Variants in CDH18 observed in about 807,000 individuals in gnomAD.
CDH18 encodes the protein cadherin-18.
CDH18 carries 31 observed loss-of-function variants against 67.9 expected under a neutral mutation model. That is an observed-to-expected ratio of 0.46 (90% CI 0.34 to 0.62). The LOEUF (loss-of-function observed/expected upper bound fraction) is 0.62, where lower values mean the gene tolerates loss of function less well. Among genes scored for constraint, CDH18 ranks in the 20% least tolerant of loss-of-function variants. The pLI, the probability that CDH18 is intolerant of heterozygous loss-of-function variation, is 0.01. For missense variants in CDH18, 890 were observed against 975.5 expected, an observed-to-expected ratio of 0.91 and a Z score of 1.17; for synonymous variants, 362 against 347.2, an observed-to-expected ratio of 1.04 and a Z score of -0.48.
At chr5:20,334,131 C>CTTTTTTTTTTTTTTTTTTTTTT in intron 1 of CDH18, among the ~76,000 whole-genome samples, 1 of 81,638 alleles carries the variant, frequency 1.2e-5, no homozygotes, top group African/African-American at 5.2e-5. Flanking sequence ...GACTTGAATT[C>CTTTTTTTTTTTTTTTTTTTTTT]TTTTTTTTTT....
chr5:20,069,806 C>A (rs910536607), intron 2 of CDH18, among the ~76,000 whole-genome samples: 3 of 152,172 alleles, frequency 2.0e-5, no homozygotes, highest in African/African-American at 7.2e-5. Flanking sequence ...TATACCTCTT[C>A]CCTTACATAT....
intron 3 of CDH18, among the ~76,000 whole-genome samples, chr5:19,754,281 A>C (rs577436041): frequency 6.6e-6 from 1 of 152,316 alleles, no homozygotes; most frequent in East Asian, 1.9e-4. Context: ...TAACACATAA[A>C]GACTCACATA....
intron 5 of CDH18, among the ~76,000 whole-genome samples, chr5:19,703,863 G>A (rs1025752097): frequency 6.6e-6 from 1 of 152,154 alleles, no homozygotes; most frequent in African/African-American, 2.4e-5. Context: ...GTTAAAGAAT[G>A]TTGCTGTCTC....
At chr5:20,411,781 A>G (rs1243182584) in intron 1 of CDH18, among the ~76,000 whole-genome samples, 1 of 121,064 alleles carries the variant, frequency 8.3e-6, no homozygotes, top group Non-Finnish European at 2.0e-5. Context: ...CTCATTTACA[A>G]TAGCCCCCTG....
chr5:19,629,451 G>C (rs1425875033), intron 5 of CDH18, among the ~76,000 whole-genome samples: 2 of 152,076 alleles, frequency 1.3e-5, no homozygotes, highest in African/African-American at 2.4e-5. Flanking sequence ...ACTCATTCTT[G>C]CCCAACATAA....
intron 2 of CDH18, among the ~76,000 whole-genome samples, chr5:20,121,660 C>A (rs1285234894): frequency 6.6e-6 from 1 of 152,130 alleles, no homozygotes; most frequent in Non-Finnish European, 1.5e-5. Context: ...TTTTCTCTTC[C>A]TGTTACATGA....
rs888494770 is a variant in CDH18 at position 20,067,663 on chromosome 5, T to A, written c.-517-75649A>T. ...TGTAGCAAAGCTACCAGGCCATTAGTTGATTTTAATTAAATGAAAGTCTTC... is the reference window on the plus strand; with the variant it reads ...TGTAGCAAAGCTACCAGGCCATTAGATGATTTTAATTAAATGAAAGTCTTC... On this transcript the variant is annotated intron_variant, in intron 2 of 14. Coordinates refer to the CDH18 transcript ENST00000507958. Among the ~76,000 whole-genome samples, 11 of 152,206 alleles carry A rather than the reference T, an allele frequency of 7.2e-5. No individual in the cohort carries two copies. In the East Asian group the frequency reaches 2.1e-3, roughly 29 times the overall value.
At chr5:20,162,549 G>A (rs7728263) in intron 2 of CDH18, among the ~76,000 whole-genome samples, 85,061 of 148,024 alleles carry the variant, frequency 0.57, 24,484 homozygotes, top group Middle Eastern at 0.68. Context: ...ACATCCTTCT[G>A]TGTTGCCTCT....
intron 1 of CDH18, among the ~76,000 whole-genome samples, chr5:20,483,479 G>A (rs1581086480): frequency 6.6e-6 from 1 of 151,756 alleles, no homozygotes; most frequent in Non-Finnish European, 1.5e-5. Flanking sequence ...TGAGCAAAAT[G>A]AACAAAATTG....
intron 2 of CDH18, among the ~76,000 whole-genome samples, chr5:19,880,032 C>A (rs571620612): frequency 6.6e-6 from 1 of 152,066 alleles, no homozygotes; most frequent in Admixed American, 6.6e-5. Flanking sequence ...ATATACCATG[C>A]AAACATACAT....
intron 1 of CDH18, among the ~76,000 whole-genome samples, chr5:20,521,483 G>A (rs115120230): frequency 2.4e-4 from 36 of 152,224 alleles, no homozygotes; most frequent in African/African-American, 8.7e-4. Context: ...GAACTTGACT[G>A]GAGTTATTTT....
chr5:19,895,671 C>T (rs1457009971), intron 2 of CDH18, among the ~76,000 whole-genome samples: 1 of 152,132 alleles, frequency 6.6e-6, no homozygotes, highest in African/African-American at 2.4e-5. Flanking sequence ...AACGAAATGG[C>T]TCAGCAATAA....
At chr5:20,119,058 TGA>T (rs1237393570) in intron 2 of CDH18, among the ~76,000 whole-genome samples, 3 of 152,184 alleles carry the variant, frequency 2.0e-5, no homozygotes, top group African/African-American at 7.2e-5. Flanking sequence ...GGTTGGCAGA[TGA>T]TTAGCTCATC....
intron 3 of CDH18, among the ~76,000 whole-genome samples, chr5:19,807,527 G>A (rs934760378): frequency 1.3e-5 from 2 of 151,972 alleles, no homozygotes; most frequent in Admixed American, 6.5e-5. Context: ...TTGTAATGTC[G>A]AGGCTCTACT....
chr5:20,533,661 T>G (rs1756546397), intron 1 of CDH18, among the ~76,000 whole-genome samples: 2 of 152,260 alleles, frequency 1.3e-5, no homozygotes, highest in Admixed American at 1.3e-4. Context: ...ATTTGCATTT[T>G]CACAATATTT....
intron 1 of CDH18, among the ~76,000 whole-genome samples, chr5:20,410,242 T>C (rs976860455): frequency 6.6e-6 from 1 of 151,690 alleles, no homozygotes; most frequent in Non-Finnish European, 1.5e-5. Context: ...TTCAACAAAG[T>C]GCTAGCAAAC....
At chr5:19,493,036 G>A (rs779986408) in intron 11 of CDH18, among the ~76,000 whole-genome samples, 2 of 152,028 alleles carry the variant, frequency 1.3e-5, no homozygotes, top group African/African-American at 4.8e-5. Flanking sequence ...AGTAATTGAC[G>A]CTGCATTCTG....
intron 2 of CDH18, among the ~76,000 whole-genome samples, chr5:19,921,245 A>T (rs1191422291): frequency 6.6e-6 from 1 of 152,136 alleles, no homozygotes; most frequent in East Asian, 1.9e-4. Flanking sequence ...AAAAACAACA[A>T]AACAGGCCGG....
At chr5:20,252,208 G>A (rs1388745564) in intron 2 of CDH18, among the ~76,000 whole-genome samples, 27 of 151,916 alleles carry the variant, frequency 1.8e-4, no homozygotes, top group Admixed American at 1.8e-3. Flanking sequence ...AAAAATAGCT[G>A]AGCATGGTGG....
Sources: gnomAD v4.1 joint callset for allele counts (sites outside exome capture counted in the v4.1 genomes callset) on GRCh38, gnomAD v4.1.1 for gene constraint, MANE v1.5 for transcripts, NCBI Gene and HGNC (gene_info 2026-07-23, HGNC 2026-07-21) for gene names.